Variants in SLC35F4 observed in about 807,000 individuals in gnomAD.
SLC35F4 encodes solute carrier family 35 member F4, also known as chromosome 14 open reading frame 36.
A neutral mutation model predicts 44.2 loss-of-function variants in SLC35F4; 24 were observed. That is an observed-to-expected ratio of 0.54 (90% CI 0.39 to 0.76). The LOEUF (loss-of-function observed/expected upper bound fraction) is 0.76. Among genes scored for constraint, SLC35F4 ranks in the 30% least tolerant of loss-of-function variants. The pLI is 0.00. For missense variants in SLC35F4, 562 were observed against 586.1 expected (o/e 0.96, Z 0.42); for synonymous variants, 238 against 223.6 (o/e 1.06, Z -0.57).
At chr14:57,583,229 C>A (rs1399898805) in intron 3 of SLC35F4, among the ~76,000 whole-genome samples, 2 of 152,166 alleles carry the variant, frequency 1.3e-5, no homozygotes, top group African/African-American at 4.8e-5. Context: ...ATACATAGAA[C>A]CAGAGGAAGT....
chr14:57,699,880 G>A (rs946858351), intron 1 of SLC35F4, among the ~76,000 whole-genome samples: 1 of 152,128 alleles, frequency 6.6e-6, no homozygotes, highest in African/African-American at 2.4e-5. Flanking sequence ...ACTTTCCTTT[G>A]AGTTGAGAGT....
chr14:57,797,349 C>T (rs1378618150), intron 1 of SLC35F4, among the ~76,000 whole-genome samples: 1 of 152,144 alleles, frequency 6.6e-6, no homozygotes, highest in Non-Finnish European at 1.5e-5. Context: ...CTGGATTCCT[C>T]CTGGGAAGTA....
intron 1 of SLC35F4, among the ~76,000 whole-genome samples, chr14:57,607,286 G>A (rs1269817251): frequency 6.6e-6 from 1 of 152,152 alleles, no homozygotes; most frequent in Admixed American, 6.5e-5. Context: ...AATGCTATTA[G>A]CATATACATA....
Position 57,838,017 on chromosome 14 carries a change from G to A in SLC35F4, c.103+27706C>T, listed in dbSNP as rs377283577. ...AGTCCCGTGCTTTTACACTGATTCA[G>A]TGGTTAATCAGTTCTTCCTATAGGT... On this transcript the variant is annotated intron_variant, in intron 1 of 7. Transcript: ENST00000556826. Among the ~76,000 whole-genome samples the A allele has an allele frequency of 5.9e-5, 9 of 152,250 alleles. No individual in the cohort carries two copies. In the South Asian group the frequency reaches 1.9e-3, roughly 32 times the overall value.
chr14:57,732,133 G>A (rs1298996388), intron 1 of SLC35F4, among the ~76,000 whole-genome samples: 5 of 152,178 alleles, frequency 3.3e-5, no homozygotes, highest in Non-Finnish European at 7.3e-5. Context: ...CTTTAACTCA[G>A]TGTTAGGTAG....
At chr14:57,839,350 A>T (rs1348301448) in intron 1 of SLC35F4, among the ~76,000 whole-genome samples, 1 of 152,146 alleles carries the variant, frequency 6.6e-6, no homozygotes, top group Non-Finnish European at 1.5e-5. Context: ...TCACCTGTGG[A>T]GCTTTTTAAA....
intron 1 of SLC35F4, among the ~76,000 whole-genome samples, chr14:57,626,070 G>T (rs1489608436): frequency 6.7e-6 from 1 of 148,746 alleles, no homozygotes; most frequent in Non-Finnish European, 1.5e-5. Flanking sequence ...ACTAACACAA[G>T]AACAGAAAAC....
intron 1 of SLC35F4, among the ~76,000 whole-genome samples, chr14:57,904,786 T>C (rs1889075724): frequency 6.6e-6 from 1 of 152,148 alleles, no homozygotes. Flanking sequence ...AACTAGGAAG[T>C]GATGGTGCAG....
At chr14:57,688,692 A>T (rs539153197) in intron 1 of SLC35F4, among the ~76,000 whole-genome samples, 1 of 152,272 alleles carries the variant, frequency 6.6e-6, no homozygotes, top group South Asian at 2.1e-4. Flanking sequence ...TTCTATCTAG[A>T]TGTAACCAGT....
At chr14:57,956,083 C>CA (rs919079665) in intron 1 of SLC35F4, among the ~76,000 whole-genome samples, 3 of 151,962 alleles carry the variant, frequency 2.0e-5, no homozygotes, top group African/African-American at 7.3e-5. Flanking sequence ...GTACTGGTAC[C>CA]AAAAAAGATA....
chr14:57,621,090 C>A (rs2072153188), intron 1 of SLC35F4, among the ~76,000 whole-genome samples: 1 of 151,476 alleles, frequency 6.6e-6, no homozygotes, highest in Non-Finnish European at 1.5e-5. Context: ...GAATAAAATA[C>A]CTAGGAATCC....
At chr14:57,625,195 T>A (rs1358118889) in intron 1 of SLC35F4, among the ~76,000 whole-genome samples, 2 of 152,054 alleles carry the variant, frequency 1.3e-5, no homozygotes, top group Non-Finnish European at 2.9e-5. Context: ...TGAACTCCCA[T>A]TCACAATTGC....
intron 1 of SLC35F4, among the ~76,000 whole-genome samples, chr14:57,740,276 A>C (rs546045322): frequency 5.3e-4 from 81 of 152,294 alleles, no homozygotes; most frequent in African/African-American, 1.9e-3. Flanking sequence ...AATCTATGAT[A>C]ATTTGTCATA....
At chr14:57,889,370 T>G (rs947070775) in intron 1 of SLC35F4, among the ~76,000 whole-genome samples, 2 of 152,222 alleles carry the variant, frequency 1.3e-5, no homozygotes, top group African/African-American at 2.4e-5. Flanking sequence ...CAGAGACACT[T>G]GAAGTACTCC....
At chr14:57,645,620 C>G (rs1057094207) in intron 1 of SLC35F4, among the ~76,000 whole-genome samples, 3 of 151,310 alleles carry the variant, frequency 2.0e-5, no homozygotes, top group Admixed American at 2.0e-4. Flanking sequence ...TTATTTCCTT[C>G]TCCTGCCTGA....
intron 1 of SLC35F4, among the ~76,000 whole-genome samples, chr14:57,833,207 C>G (rs1205214619): frequency 6.6e-6 from 1 of 152,158 alleles, no homozygotes; most frequent in African/African-American, 2.4e-5. Context: ...TCACTAAAGA[C>G]AGACAGAATT....
chr14:57,729,369 T>C (rs549027553), intron 1 of SLC35F4, among the ~76,000 whole-genome samples: 2 of 152,300 alleles, frequency 1.3e-5, no homozygotes, highest in South Asian at 4.1e-4. Context: ...GGAGCCAGCA[T>C]GTCTCAGAGC....
chr14:57,582,379 G>T (rs945124702), intron 3 of SLC35F4, among the ~76,000 whole-genome samples: 1 of 152,028 alleles, frequency 6.6e-6, no homozygotes, highest in Non-Finnish European at 1.5e-5. Context: ...AAATTTTTTT[G>T]TAGAGACAGA....
At chr14:57,667,757 C>T (rs776559711) in intron 1 of SLC35F4, among the ~76,000 whole-genome samples, 2 of 151,534 alleles carry the variant, frequency 1.3e-5, no homozygotes, top group Non-Finnish European at 1.5e-5. Context: ...GGGTTGGTTC[C>T]GAGTCTTTGC....
Sources: gnomAD v4.1 joint callset for allele counts (sites outside exome capture counted in the v4.1 genomes callset) on GRCh38, gnomAD v4.1.1 for gene constraint, MANE v1.5 for transcripts, NCBI Gene and HGNC (gene_info 2026-07-23, HGNC 2026-07-21) for gene names.